AKAP12: variants seen among roughly 807,000 people sequenced by gnomAD.
AKAP12 encodes A-kinase anchoring protein 12.
In AKAP12, 32 loss-of-function variants were observed where a neutral mutation model predicts 79.9. That is an observed-to-expected ratio of 0.40 (90% CI 0.30 to 0.54). The LOEUF (loss-of-function observed/expected upper bound fraction) is 0.54. AKAP12 is among the 20% of genes least tolerant of loss of function. The pLI is 0.48. For synonymous variants in AKAP12, 808 were observed against 857.0 expected (o/e 0.94, Z 1.00); for missense variants, 2,074 against 2,177.0 (o/e 0.95, Z 0.94).
chr6:151,337,986 A>C (rs145311056), intron 3 of AKAP12, among the ~76,000 whole-genome samples: 142 of 152,338 alleles, frequency 9.3e-4, no homozygotes, highest in Middle Eastern at 3.4e-3. Context: ...GCAGTGAGCC[A>C]AGATGACGCC....
chr6:151,279,599 A>C (rs1175283616), intron 2 of AKAP12, among the ~76,000 whole-genome samples: 3 of 152,134 alleles, frequency 2.0e-5, no homozygotes, highest in African/African-American at 7.2e-5. Context: ...AACATTTTAA[A>C]AATTTACTTT....
chr6:151,324,339 T>C, intron 3 of AKAP12: 13 of 985,430 alleles, frequency 1.3e-5, no homozygotes, highest in Non-Finnish European at 1.6e-5. Flanking sequence ...AAGCTGATTT[T>C]TGTAACAAGG....
chr6:151,283,082 G>A (rs962398812), intron 2 of AKAP12, among the ~76,000 whole-genome samples: 2 of 152,140 alleles, frequency 1.3e-5, no homozygotes, highest in African/African-American at 4.8e-5. Context: ...AAAAGTGGAG[G>A]CCCTTGTATA....
At chr6:151,268,943 C>CTGTTTTTTTTTTGTT (rs1562714298) in intron 2 of AKAP12, among the ~76,000 whole-genome samples, 1 of 84,896 alleles carries the variant, frequency 1.2e-5, no homozygotes, top group African/African-American at 4.0e-5. Flanking sequence ...CGTGCTCGGC[C>CTGTTTTTTTTTTGTT]TGTTTTTTTT....
intron 3 of AKAP12, among the ~76,000 whole-genome samples, chr6:151,311,545 A>C (rs78580968): frequency 0.013 from 1,912 of 152,090 alleles, 20 homozygotes; most frequent in South Asian, 0.018. Context: ...AGAAACAAAA[A>C]CCCTCAAAAT....
At chr6:151,330,779 C>T (rs1354968436) in intron 3 of AKAP12, among the ~76,000 whole-genome samples, 1 of 151,660 alleles carries the variant, frequency 6.6e-6, no homozygotes, top group East Asian at 1.9e-4. Context: ...TATAATTTAT[C>T]TCTTAATCGC....
intron 2 of AKAP12, among the ~76,000 whole-genome samples, chr6:151,285,084 A>T (rs923263557): frequency 6.6e-6 from 1 of 152,244 alleles, no homozygotes; most frequent in Admixed American, 6.5e-5. Flanking sequence ...AACATGATTT[A>T]TGAACGACAG....
chr6:151,279,145 C>T (rs1285122158), intron 2 of AKAP12, among the ~76,000 whole-genome samples: 1 of 152,078 alleles, frequency 6.6e-6, no homozygotes, highest in African/African-American at 2.4e-5. Flanking sequence ...CTTGAGTGGC[C>T]TGGAGGGCTC....
At chr6:151,268,957 T>G (rs74641129) in intron 2 of AKAP12, among the ~76,000 whole-genome samples, 18 of 125,140 alleles carry the variant, frequency 1.4e-4, no homozygotes, top group African/African-American at 4.2e-4. Context: ...TTTTTTTTTT[T>G]TTTTTTTTTT....
chr6:151,293,623 C>G (rs141049034), intron 2 of AKAP12, among the ~76,000 whole-genome samples: 3 of 152,110 alleles, frequency 2.0e-5, no homozygotes, highest in Non-Finnish European at 2.9e-5. Flanking sequence ...ATTCTGTGCT[C>G]TGTAACTTGA....
intron 2 of AKAP12, chr6:151,298,930 A>G (rs1341724304): frequency 6.6e-6 from 1 of 152,230 alleles, no homozygotes; most frequent in Non-Finnish European, 1.5e-5. Flanking sequence ...CCATCGGACC[A>G]GCCTAAAAAT....
intron 2 of AKAP12, among the ~76,000 whole-genome samples, chr6:151,249,034 T>C (rs1797128178): frequency 6.6e-6 from 1 of 152,046 alleles, no homozygotes; most frequent in South Asian, 2.1e-4. Context: ...AAATAGATTG[T>C]GCCATTCAAG....
At chr6:151,297,158 G>A (rs1315424552) in intron 2 of AKAP12, among the ~76,000 whole-genome samples, 1 of 151,586 alleles carries the variant, frequency 6.6e-6, no homozygotes, top group African/African-American at 2.4e-5. Context: ...TACATTGATG[G>A]GTGGGCTCAC....
chr6:151,261,715 C>T (rs917877531), intron 2 of AKAP12, among the ~76,000 whole-genome samples: 1 of 148,654 alleles, frequency 6.7e-6, no homozygotes, highest in Non-Finnish European at 1.5e-5. Context: ...CAAACAAGAA[C>T]AACAGTGGTT....
At chr6:151,319,726 C>T (rs12205213) in intron 3 of AKAP12, 20,272 of 159,054 alleles carry the variant, frequency 0.13, 1,497 homozygotes, top group African/African-American at 0.2. Context: ...TGTCCCCTTC[C>T]TCCCTCACCA....
Position 151,351,406 on chromosome 6 carries a change from A to C in AKAP12, c.3015A>C (p.Ala1005=). ...AAEETTEMVS[A]VSQLTDSPDT... is the part of the protein sequence containing the mutation. ...AAGAGACCACAGAAATGGTGTCAGC[A>C]GTCTCCCAGTTAACCGACTCCCCAG... Residue 1005 remains alanine (A), a synonymous_variant, in exon 4 of 5, where the codon GCA becomes GCC. Coordinates refer to ENST00000402676, the MANE Select transcript of AKAP12 (RefSeq NM_005100.4). The surrounding 1 kb of genome is among the most constrained non-coding windows in gnomAD (Gnocchi z 4.4). The C allele has an allele frequency of 6.2e-7, 1 of 1,614,248 alleles. No homozygotes were observed. Among genetic ancestry groups the C allele is most frequent in the Non-Finnish European group, 8.5e-7 (1 of 1,180,044 alleles).
At chr6:151,259,047 G>A (rs1183564018) in intron 2 of AKAP12, among the ~76,000 whole-genome samples, 5 of 146,732 alleles carry the variant, frequency 3.4e-5, no homozygotes, top group African/African-American at 7.5e-5. Flanking sequence ...ATATATGTGT[G>A]TATATATATA....
chr6:151,296,354 C>CT (rs1375390153), intron 2 of AKAP12, among the ~76,000 whole-genome samples: 1 of 152,224 alleles, frequency 6.6e-6, no homozygotes, highest in Non-Finnish European at 1.5e-5. Context: ...TTTTAAAAAC[C>CT]TTGCTAGTTA....
Position 151,240,384 on chromosome 6 carries a change from G to A in AKAP12, c.-179G>A, listed in dbSNP as rs574344220. The stretch of plus-strand genomic sequence containing the variant: ...TTTTTTTTTTTCCTTTTCTTTTAAG[G>A]AGTTTGCCGCGAGCGCGTCTCCTTC... On this transcript the variant is annotated splice_region_variant and 5_prime_UTR_variant, in exon 2 of 5. Coordinates refer to ENST00000402676, the MANE Select transcript of AKAP12 (RefSeq NM_005100.4). 110 of 547,008 alleles carry A rather than the reference G, an allele frequency of 2.0e-4. No homozygotes were observed. Among genetic ancestry groups the A allele is most frequent in the South Asian group, 2.9e-4 (6 of 20,422 alleles). 33.9% of individuals were successfully genotyped at this position (547,008 alleles called of 1,614,324 possible). A position where few individuals can be genotyped will look rare whatever the true frequency, so the allele number is the denominator to read the frequency against.
Sources: allele counts gnomAD v4.1 joint callset (sites outside exome capture counted in the v4.1 genomes callset), GRCh38; gene constraint gnomAD v4.1.1; non-coding constraint Gnocchi (gnomAD v3.1); transcripts MANE v1.5; gene names NCBI Gene and HGNC (gene_info 2026-07-23, HGNC 2026-07-21).